DEPDC1B: variants seen among roughly 807,000 people sequenced by gnomAD.
DEPDC1B encodes the protein DEP domain-containing protein 1B.
A neutral mutation model predicts 66.5 loss-of-function variants in DEPDC1B; 51 were observed. The ratio of observed to expected loss-of-function variants is 0.77; its 90% CI spans 0.61 to 0.97. The LOEUF (loss-of-function observed/expected upper bound fraction) is 0.97. Among genes scored for constraint, DEPDC1B ranks in the 50% least tolerant of loss-of-function variants. The pLI, the probability that DEPDC1B is intolerant of heterozygous loss-of-function variation, is 0.00. For synonymous variants in DEPDC1B, 226 were observed against 223.6 expected, an observed-to-expected ratio of 1.01 and a Z score of -0.10; for missense variants, 552 against 637.1, an observed-to-expected ratio of 0.87 and a Z score of 1.44.
chr5:60,667,520 A>G (rs1409510618), intron 2 of DEPDC1B, among the ~76,000 whole-genome samples: 1 of 147,146 alleles, frequency 6.8e-6, no homozygotes, highest in African/African-American at 2.5e-5. Context: ...TATACAAAAA[A>G]TGGATATTTT....
chr5:60,621,127 C>T (rs192237325), intron 7 of DEPDC1B, among the ~76,000 whole-genome samples: 113 of 147,474 alleles, frequency 7.7e-4, no homozygotes, highest in African/African-American at 2.7e-3. Context: ...CATCACACAC[C>T]GGGGACTGTT....
At chr5:60,691,360 C>T (rs1208330787) in intron 1 of DEPDC1B, among the ~76,000 whole-genome samples, 1 of 152,082 alleles carries the variant, frequency 6.6e-6, no homozygotes, top group Non-Finnish European at 1.5e-5. Flanking sequence ...AGCACTTTTT[C>T]TACTTTTTTT....
chr5:60,678,092 T>C (rs1287318614), intron 2 of DEPDC1B, among the ~76,000 whole-genome samples: 3 of 152,192 alleles, frequency 2.0e-5, no homozygotes, highest in African/African-American at 7.2e-5. Context: ...TTTGCAAATC[T>C]CTAGCTTAAG....
chr5:60,665,670 A>C (rs573363180), intron 2 of DEPDC1B, among the ~76,000 whole-genome samples: 3 of 152,166 alleles, frequency 2.0e-5, no homozygotes, highest in Non-Finnish European at 2.9e-5. Flanking sequence ...CTCCCCAACA[A>C]CACTTGGGTT....
intron 9 of DEPDC1B, among the ~76,000 whole-genome samples, chr5:60,599,660 A>G (rs1211223108): frequency 6.6e-6 from 1 of 152,240 alleles, no homozygotes; most frequent in Non-Finnish European, 1.5e-5. Context: ...TGGCCCACCC[A>G]GGGCGGAAAA....
At chr5:60,603,620 G>A (rs1167891331) in intron 8 of DEPDC1B, 53 bp from the exon 9 acceptor site, 4 of 1,501,894 alleles carry the variant, frequency 2.7e-6, no homozygotes, top group Non-Finnish European at 3.5e-6. Flanking sequence ...TTTCTGAACT[G>A]AGTGCAATCT....
chr5:60,698,543 G>A (rs1754705268), intron 1 of DEPDC1B, among the ~76,000 whole-genome samples: 1 of 152,178 alleles, frequency 6.6e-6, no homozygotes, highest in Non-Finnish European at 1.5e-5. Context: ...TGGCACATGA[G>A]TGACCTCCAC....
chr5:60,620,859 T>C (rs778081031), intron 7 of DEPDC1B, among the ~76,000 whole-genome samples: 46 of 152,232 alleles, frequency 3.0e-4, no homozygotes, highest in Non-Finnish European at 5.9e-4. Context: ...ATTGAGGCAC[T>C]ATTCACAATA....
At chr5:60,672,298 G>A (rs887665046) in intron 2 of DEPDC1B, among the ~76,000 whole-genome samples, 1 of 152,136 alleles carries the variant, frequency 6.6e-6, no homozygotes, top group African/African-American at 2.4e-5. Context: ...TTTTCACACT[G>A]GTATAAAGAA....
intron 2 of DEPDC1B, among the ~76,000 whole-genome samples, chr5:60,652,640 G>T (rs1299052992): frequency 6.7e-6 from 1 of 148,868 alleles, no homozygotes; most frequent in Non-Finnish European, 1.5e-5. Context: ...TTGAGGGACA[G>T]GTGGTGTTTG....
intron 7 of DEPDC1B, 134 bp from the exon 8 acceptor site, chr5:60,605,990 T>C (rs1054745134): frequency 7.1e-5 from 50 of 706,788 alleles, no homozygotes; most frequent in Admixed American, 2.7e-4. Context: ...ACTGGGTCAA[T>C]TGAATATAGA....
At chr5:60,692,104 A>G (rs1754558910) in intron 1 of DEPDC1B, among the ~76,000 whole-genome samples, 1 of 152,216 alleles carries the variant, frequency 6.6e-6, no homozygotes, top group South Asian at 2.1e-4. Context: ...AATAATGCCT[A>G]TTCTCATTTA....
At chr5:60,642,925 T>C in intron 5 of DEPDC1B, 66 bp from the exon 6 acceptor site, 1 of 1,258,306 alleles carries the variant, frequency 7.9e-7, no homozygotes, top group Non-Finnish European at 1.1e-6. Context: ...ATACTTGGTA[T>C]CATAAGAATG....
rs769862356 is a variant in DEPDC1B, at chr5:60,603,398, C to G, written c.1235G>C (p.Arg412Thr). ...TAATATCCTCTCCTTTACCTGGACTCTTCGTAGATGAGCCACACGCTCCTC... is the reference window on the plus strand; with the variant it reads ...TAATATCCTCTCCTTTACCTGGACTGTTCGTAGATGAGCCACACGCTCCTC... ...SIEERVAHLR[R>T]VQIKYPGADM... Residue 412 changes from arginine (R) to threonine (T), a missense_variant, in exon 9 of 11, where the codon AGA (arginine) becomes ACA (threonine). Coordinates refer to ENST00000265036, the MANE Select transcript of DEPDC1B (RefSeq NM_018369.3). 6.3e-7 allele frequency: 1 copy of G among 1,575,712 alleles called. No homozygotes were observed. Among genetic ancestry groups the G allele is most frequent in the Non-Finnish European group, 8.6e-7 (1 of 1,167,308 alleles).
At chr5:60,642,974 C>T in intron 5 of DEPDC1B, 115 bp from the exon 6 acceptor site, 1 of 698,060 alleles carries the variant, frequency 1.4e-6, no homozygotes, top group Non-Finnish European at 2.4e-6. Flanking sequence ...ATCTGCTAAT[C>T]ACAAATCACC....
chr5:60,691,228 A>G (rs1322542518), intron 1 of DEPDC1B, among the ~76,000 whole-genome samples: 1 of 150,682 alleles, frequency 6.6e-6, no homozygotes, highest in Non-Finnish European at 1.5e-5. Context: ...TTATTTTTAT[A>G]TTTTTAGTAG....
chr5:60,629,913 T>C (rs968797621), intron 7 of DEPDC1B, among the ~76,000 whole-genome samples: 8 of 152,236 alleles, frequency 5.3e-5, no homozygotes, highest in Non-Finnish European at 1.2e-4. Flanking sequence ...TTAGCAATGA[T>C]TTTTGTGAAA....
At chr5:60,646,715 G>C (rs1402582074) in intron 3 of DEPDC1B, among the ~76,000 whole-genome samples, 2 of 152,218 alleles carry the variant, frequency 1.3e-5, no homozygotes, top group Non-Finnish European at 2.9e-5. Context: ...CACAGGAGGA[G>C]GTAAGCGTTG....
At chr5:60,606,463 A>T (rs566986824) in intron 7 of DEPDC1B, among the ~76,000 whole-genome samples, 1 of 152,084 alleles carries the variant, frequency 6.6e-6, no homozygotes, top group South Asian at 2.1e-4. Flanking sequence ...CATCTCAGGT[A>T]TGATTTTGCT....
Sources: allele counts gnomAD v4.1 joint callset (sites outside exome capture counted in the v4.1 genomes callset), GRCh38; gene constraint gnomAD v4.1.1; transcripts MANE v1.5; gene names NCBI Gene and HGNC (gene_info 2026-07-23, HGNC 2026-07-21).